The following AGBL1 variants were observed in gnomAD, a reference collection of about 807,000 sequenced individuals.
AGBL1 encodes the protein AGBL carboxypeptidase 1.
A neutral mutation model predicts 118.9 loss-of-function variants in AGBL1; 130 were observed. The observed-to-expected ratio is 1.09, with a 90% CI of 0.95 to 1.26. The LOEUF (loss-of-function observed/expected upper bound fraction) is 1.26, where lower values mean the gene tolerates loss of function less well. Among genes scored for constraint, AGBL1 ranks in the 50% most tolerant of loss-of-function variants. The probability of loss-of-function intolerance (pLI) is 0.00; values close to 1 mark genes in which losing one functional copy is unlikely to be tolerated. For missense variants in AGBL1, 1,584 were observed against 1,298.1 expected, an observed-to-expected ratio of 1.22 and a Z score of -3.38; for synonymous variants, 555 against 478.9, an observed-to-expected ratio of 1.16 and a Z score of -2.08.
intron 6 of AGBL1, among the ~76,000 whole-genome samples, chr15:86,228,634 T>C (rs1033305140): frequency 6.6e-6 from 1 of 152,128 alleles, no homozygotes; most frequent in Non-Finnish European, 1.5e-5. Context: ...CAGGGAGACT[T>C]GGAGTCTACC....
At chr15:86,496,211 C>T (rs570826119) in intron 18 of AGBL1, among the ~76,000 whole-genome samples, 1 of 152,104 alleles carries the variant, frequency 6.6e-6, no homozygotes, top group South Asian at 2.1e-4. Context: ...AAATCTTTGA[C>T]AGTTCCTCCT....
At chr15:86,652,905 G>A (rs1482296406) in intron 21 of AGBL1, among the ~76,000 whole-genome samples, 1 of 152,072 alleles carries the variant, frequency 6.6e-6, no homozygotes, top group Non-Finnish European at 1.5e-5. Context: ...CGGATGCAAT[G>A]GGCATCAAAT....
At chr15:86,293,773 A>G (rs1376216486) in intron 16 of AGBL1, among the ~76,000 whole-genome samples, 1 of 151,920 alleles carries the variant, frequency 6.6e-6, no homozygotes, top group Non-Finnish European at 1.5e-5. Flanking sequence ...ATTTGTCAAT[A>G]TTTTTACATA....
intron 18 of AGBL1, among the ~76,000 whole-genome samples, chr15:86,416,199 G>A (rs987931097): frequency 2.0e-5 from 3 of 152,206 alleles, no homozygotes; most frequent in Middle Eastern, 3.4e-3. Flanking sequence ...ATATTGACTC[G>A]TTTCTAAGAA....
intron 23 of AGBL1, among the ~76,000 whole-genome samples, chr15:86,985,669 T>C (rs2081274173): frequency 6.6e-6 from 1 of 152,136 alleles, no homozygotes; most frequent in Non-Finnish European, 1.5e-5. Context: ...TTTCTTCCAC[T>C]CTGTGGCTTA....
chr15:86,300,633 G>A (rs1291128810), intron 17 of AGBL1, among the ~76,000 whole-genome samples: 1 of 152,094 alleles, frequency 6.6e-6, no homozygotes, highest in Admixed American at 6.6e-5. Context: ...AAACAGCAAA[G>A]CATAACCTTT....
rs372111736 is a variant in AGBL1, at chr15:86,348,372, A to G, written c.2375-48994A>G. ...TAGTGAATATGCAGCTCACAAAAAT[A>G]TCTCCCTCTTCTGAGCTCTGCAGGG... is the stretch of plus-strand genomic sequence containing the variant. On this transcript the variant is annotated intron_variant, in intron 17 of 22. Transcript: ENST00000614907. Among the ~76,000 whole-genome samples the G allele has an allele frequency of 1.5e-4, 23 of 152,308 alleles. 1 individual carries two copies. In the East Asian group the frequency reaches 1.5e-3, roughly 10 times the overall value.
intron 22 of AGBL1, among the ~76,000 whole-genome samples, chr15:86,684,332 CAGGA>C (rs2086014356): frequency 6.6e-6 from 1 of 152,060 alleles, no homozygotes; most frequent in Non-Finnish European, 1.5e-5. Context: ...TGCCCCCTCT[CAGGA>C]AGGAAGGAAG....
intron 23 of AGBL1, among the ~76,000 whole-genome samples, chr15:86,965,968 G>A (rs183221452): frequency 1.6e-3 from 243 of 151,862 alleles, no homozygotes; most frequent in African/African-American, 5.4e-3. Flanking sequence ...AAACCTGTAC[G>A]TTCTGCACAT....
intron 19 of AGBL1, among the ~76,000 whole-genome samples, chr15:86,536,961 A>C (rs2083434940): frequency 6.6e-6 from 1 of 152,212 alleles, no homozygotes; most frequent in Admixed American, 6.5e-5. Flanking sequence ...TAAACACAGC[A>C]AGGTAGCAAT....
At chr15:86,815,106 C>T (rs1387726615) in intron 22 of AGBL1, among the ~76,000 whole-genome samples, 1 of 151,796 alleles carries the variant, frequency 6.6e-6, no homozygotes, top group African/African-American at 2.4e-5. Context: ...ATTTTGTGTA[C>T]CTGTAAATAA....
chr15:86,201,656 C>G (rs1338332780), intron 5 of AGBL1, among the ~76,000 whole-genome samples: 6 of 152,156 alleles, frequency 3.9e-5, no homozygotes, highest in Admixed American at 3.9e-4. Flanking sequence ...TGGTGCAAAA[C>G]CTGGCAGCTG....
At chr15:86,736,302 C>A (rs897638456) in intron 22 of AGBL1, among the ~76,000 whole-genome samples, 1 of 151,986 alleles carries the variant, frequency 6.6e-6, no homozygotes, top group Non-Finnish European at 1.5e-5. Context: ...ATGGCTTGAA[C>A]CCGGGAGGCG....
At position 86,266,641 on chromosome 15, in the gene AGBL1, G is replaced by A. The variant is rs535272895; in HGVS notation, c.1751+184G>A. On this transcript the variant is annotated intron_variant, in intron 12 of 22. Transcript: ENST00000614907. ...TCATCGGCCAGGCGCAGTGGCTCAC[G>A]CCTGTAATCCCAGCACTTTGGGAGC... Among the ~76,000 whole-genome samples, 47 of 152,300 alleles carry A rather than the reference G, an allele frequency of 3.1e-4. No homozygotes were observed. In the South Asian group the frequency reaches 3.5e-3, roughly 11 times the overall value.
chr15:86,225,288 C>A (rs1459708999), intron 6 of AGBL1, among the ~76,000 whole-genome samples: 1 of 151,886 alleles, frequency 6.6e-6, no homozygotes, highest in Non-Finnish European at 1.5e-5. Flanking sequence ...AGCCAGCAGT[C>A]CCTAAAGATT....
intron 21 of AGBL1, among the ~76,000 whole-genome samples, chr15:86,577,576 G>A (rs1326767278): frequency 1.3e-5 from 2 of 152,146 alleles, no homozygotes; most frequent in African/African-American, 4.8e-5. Flanking sequence ...ATGTCTCCAG[G>A]GCATGTCAGA....
At chr15:86,864,084 A>C (rs1209961915) in intron 22 of AGBL1, among the ~76,000 whole-genome samples, 1 of 152,182 alleles carries the variant, frequency 6.6e-6, no homozygotes, top group Non-Finnish European at 1.5e-5. Flanking sequence ...TAGGTAGCAC[A>C]GCTTTGCATA....
At chr15:86,609,667 A>T (rs1054716107) in intron 21 of AGBL1, among the ~76,000 whole-genome samples, 9 of 152,222 alleles carry the variant, frequency 5.9e-5, no homozygotes, top group Admixed American at 6.5e-5. Context: ...ATTCTAACAA[A>T]TAACTTGGCA....
chr15:86,887,787 C>G (rs903070325), intron 22 of AGBL1, among the ~76,000 whole-genome samples: 1 of 151,476 alleles, frequency 6.6e-6, no homozygotes. Context: ...CAAAGGACTT[C>G]GACAATTCTC....
Sources: gnomAD v4.1 joint callset for allele counts (sites outside exome capture counted in the v4.1 genomes callset) on GRCh38, gnomAD v4.1.1 for gene constraint, MANE v1.5 for transcripts, NCBI Gene and HGNC (gene_info 2026-07-23, HGNC 2026-07-21) for gene names.